Variants in PTPN23 observed in about 807,000 individuals in gnomAD.
PTPN23 encodes protein tyrosine phosphatase non-receptor type 23, also known as tyrosine-protein phosphatase non-receptor type 23.
PTPN23 carries 72 observed loss-of-function variants against 156.3 expected under a neutral mutation model. The ratio of observed to expected loss-of-function variants is 0.46; its 90% CI spans 0.38 to 0.56. The LOEUF (loss-of-function observed/expected upper bound fraction) is 0.56, where lower values mean the gene tolerates loss of function less well. PTPN23 is among the 20% of genes least tolerant of loss of function. The pLI, the probability that PTPN23 is intolerant of heterozygous loss-of-function variation, is 0.00. For synonymous variants in PTPN23, 957 were observed against 899.6 expected (o/e 1.06, Z -1.14); for missense variants, 1,974 against 2,171.5 (o/e 0.91, Z 1.81).
intron 2 of PTPN23, among the ~76,000 whole-genome samples, chr3:47,400,352 C>A (rs1052733552): frequency 2.0e-5 from 3 of 152,190 alleles, no homozygotes; most frequent in Non-Finnish European, 4.4e-5. Flanking sequence ...CTGACAGGTG[C>A]AGGGGATGCT....
chr3:47,393,445 G>GC (rs1453939960), intron 1 of PTPN23, among the ~76,000 whole-genome samples: 1 of 152,178 alleles, frequency 6.6e-6, no homozygotes, highest in African/African-American at 2.4e-5. Flanking sequence ...AAGCCACTGT[G>GC]CCCGGCTACC....
chr3:47,391,375 C>T (rs1704769670), intron 1 of PTPN23, among the ~76,000 whole-genome samples: 1 of 152,190 alleles, frequency 6.6e-6, no homozygotes, highest in Admixed American at 6.5e-5. Flanking sequence ...TTATTAGCAC[C>T]GTGACCTTGG....
At position 47,406,632 on chromosome 3, in the gene PTPN23, G is replaced by A; in HGVS notation, c.759+20G>A. The A allele has an allele frequency of 1.2e-6, 2 of 1,613,824 alleles. No individual in the cohort carries two copies. Among genetic ancestry groups the A allele is most frequent in the Non-Finnish European group, 8.5e-7 (1 of 1,179,940 alleles). Reference sequence around the variant, plus strand: ...GCTCATGTGAGGGCCTGGGGCCCCAGGGCGGGGCAGGGCGGGGCTGAGTGG... The same window carrying A: ...GCTCATGTGAGGGCCTGGGGCCCCAAGGCGGGGCAGGGCGGGGCTGAGTGG... On this transcript the variant is annotated intron_variant, in intron 8 of 24. Coordinates refer to ENST00000265562, the MANE Select transcript of PTPN23 (RefSeq NM_015466.4). This position sits in a 1 kb window ranked among gnomAD's most constrained non-coding sequence, Gnocchi z 5.8.
chr3:47,412,905 C>T lies in PTPN23; in HGVS notation c.4631C>T (p.Ser1544Phe), dbSNP rs1705359063. ...LPESTPIPSS[S>F]PPPLSSPLPE... ...GAGTCTACCCCAATCCCATCTTCCT[C>T]CCCGCCCCCCCTTTCCTCCCCACTA... The change falls in exon 25 of 25, where the codon TCC becomes TTC. Residue 1544 changes from serine to phenylalanine, a missense_variant. Physicochemically the swap from Ser to Phe is radical, Grantham distance 155 (BLOSUM62 -2). This residue lies in a region of PTPN23 where 484 missense variants were observed against 516.0 expected (regional missense o/e 0.94). Transcript: ENST00000265562. 6.6e-7 allele frequency: 1 copy of T among 1,514,694 alleles called. No homozygotes were observed. Among genetic ancestry groups the T allele is most frequent in the Non-Finnish European group, 9.1e-7 (1 of 1,093,750 alleles). The allele number at this position is 1,514,694 out of a possible 1,614,324, so 93.8% of individuals were successfully genotyped here. A position where few individuals can be genotyped will look rare whatever the true frequency, so the allele number is the denominator to read the frequency against.
chr3:47,411,815 G>A lies in PTPN23; in HGVS notation c.3921G>A (p.Arg1307=). ...QKVARYFPTE[R]GQPMVHGALS... is the part of the protein sequence containing the mutation. The stretch of plus-strand genomic sequence containing the variant: ...TGGCACGCTACTTCCCCACCGAGAG[G>A]GGCCAGCCCATGGTGCACGGTGCCC... Residue 1307 remains arginine (R), a synonymous_variant, in exon 21 of 25, where the codon AGG becomes AGA. Transcript: ENST00000265562. This position sits in a 1 kb window ranked among gnomAD's most constrained non-coding sequence, Gnocchi z 6.3. 2 of 1,610,822 alleles carry A rather than the reference G, an allele frequency of 1.2e-6. No homozygotes were observed. The highest frequency in any genetic ancestry group is 1.7e-6 in the Non-Finnish European group (2 of 1,178,512).
At chr3:47,383,895 C>T (rs1314336884) in intron 1 of PTPN23, among the ~76,000 whole-genome samples, 3 of 152,290 alleles carry the variant, frequency 2.0e-5, no homozygotes, top group African/African-American at 2.4e-5. Context: ...TCCCAACCTG[C>T]ACCCCCTTCC....
At position 47,409,041 on chromosome 3, in the gene PTPN23, G is replaced by A. The variant is rs376920479; in HGVS notation, c.1596G>A (p.Pro532=). 1.1e-5 allele frequency: 18 copies of A among 1,613,680 alleles called. No homozygotes were observed. The highest frequency in any genetic ancestry group is 2.2e-5 in the East Asian group (1 of 44,902). ...HVGNLRLLSG[P]LDQVRAALPT... is the part of the protein sequence containing the mutation. ...GCAACCTGCGCCTGCTCAGCGGGCC[G>A]CTTGACCAGGTCCGGGCTGCCCTGC... Residue 532 remains proline, a synonymous_variant, in exon 16 of 25, where the codon CCG becomes CCA. Coordinates refer to ENST00000265562, the MANE Select transcript of PTPN23 (RefSeq NM_015466.4).
At chr3:47,409,883 GGGT>G (rs1040148903) in intron 19 of PTPN23, 42 bp from the exon 20 acceptor site, 4 of 1,585,680 alleles carry the variant, frequency 2.5e-6, no homozygotes, top group Non-Finnish European at 3.4e-6. Flanking sequence ...AGACAGGCTG[GGGT>G]GATGGGAGCC....
At chr3:47,399,523 G>GCACA (rs896737456) in intron 2 of PTPN23, among the ~76,000 whole-genome samples, 10 of 152,090 alleles carry the variant, frequency 6.6e-5, no homozygotes, top group African/African-American at 2.2e-4. Context: ...CCGTCATTTT[G>GCACA]CACACACAGG....
At chr3:47,402,966 A>G (rs976731221) in intron 2 of PTPN23, among the ~76,000 whole-genome samples, 5 of 152,124 alleles carry the variant, frequency 3.3e-5, no homozygotes, top group African/African-American at 1.2e-4. Flanking sequence ...TTGGCCTCCC[A>G]AAGTGCTAGG....
chr3:47,412,471 A>G, intron 23 of PTPN23, 43 bp from the exon 24 acceptor site: 3 of 1,611,428 alleles, frequency 1.9e-6, no homozygotes, highest in Non-Finnish European at 2.5e-6. Context: ...TCCCAGGGTG[A>G]CGGGCCCCTG....
intron 2 of PTPN23, among the ~76,000 whole-genome samples, chr3:47,398,060 C>T (rs1166612011): frequency 6.6e-6 from 1 of 151,576 alleles, no homozygotes; most frequent in African/African-American, 2.4e-5. Flanking sequence ...CTTTGGGAGG[C>T]TGAGGCAGGT....
At position 47,410,623 on chromosome 3, in the gene PTPN23, TC is replaced by T; in HGVS notation, c.2829del (p.Ala944GlnfsTer216). The T allele has an allele frequency of 6.2e-7, 1 of 1,611,162 alleles. No homozygotes were observed. ...GCACAGCACCACTTCTCTTCTGGGA[TC>T]CCCGCAGGTTTTCCAGCCCCAAGGA... ...IPAQHHFSSG[I>X]PAGFPAPRIG... On this transcript the variant is annotated frameshift_variant, in exon 20 of 25. Coordinates refer to ENST00000265562, the MANE Select transcript of PTPN23 (RefSeq NM_015466.4). LOFTEE classifies it high-confidence loss of function.
rs1032653734 is a variant in PTPN23, at chr3:47,412,996, C to G, written c.4722C>G (p.Ser1574=). ...VPEAPSSGPP[S]SSLELLASLT... Reference sequence around the variant, plus strand: ...AAGCCCCCAGCTCGGGGCCCCCCTCCTCCTCCCTGGAATTGCTGGCCTCCT... The same window carrying G: ...AAGCCCCCAGCTCGGGGCCCCCCTCGTCCTCCCTGGAATTGCTGGCCTCCT... The change falls in exon 25 of 25, where the codon TCC becomes TCG. Residue 1574 remains serine (S), a synonymous_variant. Coordinates refer to ENST00000265562, the MANE Select transcript of PTPN23 (RefSeq NM_015466.4). 5 of 1,612,374 alleles carry G rather than the reference C, an allele frequency of 3.1e-6. No homozygotes were observed. Among genetic ancestry groups the G allele is most frequent in the Non-Finnish European group, 3.4e-6 (4 of 1,179,588 alleles).
At chr3:47,408,230 T>C in intron 14 of PTPN23, 115 bp from the exon 15 acceptor site, 1 of 1,435,694 alleles carries the variant, frequency 7.0e-7, no homozygotes, top group Non-Finnish European at 9.5e-7. Flanking sequence ...GAGGTCACAA[T>C]TTGCTCTCTG....
chr3:47,381,679 C>T (rs547076993), intron 1 of PTPN23, among the ~76,000 whole-genome samples: 28 of 152,228 alleles, frequency 1.8e-4, no homozygotes, highest in Non-Finnish European at 3.4e-4. Flanking sequence ...GGGAGATGCC[C>T]GACCCCTGCG....
rs753779840 is a variant in PTPN23, at chr3:47,410,645, A to G, written c.2847A>G (p.Pro949=). 17 of 1,610,200 alleles carry G rather than the reference A, an allele frequency of 1.1e-5. No individual in the cohort carries two copies. Among genetic ancestry groups the G allele is most frequent in the Non-Finnish European group, 1.4e-5 (17 of 1,178,976 alleles). The change falls in exon 20 of 25, where the codon CCA becomes CCG. Residue 949 remains proline, a synonymous_variant. Coordinates refer to ENST00000265562, the MANE Select transcript of PTPN23 (RefSeq NM_015466.4). ...GGATCCCCGCAGGTTTTCCAGCCCCAAGGATTGGGCCCCAGCCCCAGCCCC... is the reference window on the plus strand; with the variant it reads ...GGATCCCCGCAGGTTTTCCAGCCCCGAGGATTGGGCCCCAGCCCCAGCCCC... ...SSGIPAGFPA[P]RIGPQPQPHP... is the part of the protein sequence containing the mutation.
Position 47,405,994 on chromosome 3 carries a change from A to T in PTPN23, c.494A>T (p.Tyr165Phe). 3 of 1,613,772 alleles carry T rather than the reference A, an allele frequency of 1.9e-6. No homozygotes were observed. The highest frequency in any genetic ancestry group is 2.5e-6 in the Non-Finnish European group (3 of 1,179,948). Residue 165 changes from tyrosine to phenylalanine, a missense_variant, in exon 6 of 25, where the codon TAC (tyrosine) becomes TTC (phenylalanine). This residue lies in a region of PTPN23 where 726 missense variants were observed against 929.5 expected (regional missense o/e 0.78). Coordinates refer to ENST00000265562, the MANE Select transcript of PTPN23 (RefSeq NM_015466.4). The surrounding 1 kb of genome is among the most constrained non-coding windows in gnomAD (Gnocchi z 4.7). The part of the protein sequence containing the change: ...AYLREHFPQA[Y>F]SVDMSRQILT... ...CTACGGGAGCACTTCCCTCAAGCCTACAGCGTCGACATGAGCCGCCAGATC... is the reference window on the plus strand; with the variant it reads ...CTACGGGAGCACTTCCCTCAAGCCTTCAGCGTCGACATGAGCCGCCAGATC...
chr3:47,407,935 G>T lies in PTPN23; in HGVS notation c.1164G>T (p.Glu388Asp). 1.2e-6 allele frequency: 2 copies of T among 1,614,024 alleles called. No individual in the cohort carries two copies. Among genetic ancestry groups the T allele is most frequent in the Non-Finnish European group, 1.7e-6 (2 of 1,179,988 alleles). The change falls in exon 14 of 25, where the codon GAG becomes GAT. Residue 388 changes from glutamate to aspartate, a missense_variant. Around this residue, in one of 4 missense-constraint regions of PTPN23, gnomAD observed 726 missense variants for 929.5 expected, o/e 0.78. Coordinates refer to ENST00000265562, the MANE Select transcript of PTPN23 (RefSeq NM_015466.4). The surrounding 1 kb of genome is among the most constrained non-coding windows in gnomAD (Gnocchi z 4.0). ...TCCGGGAGATGATGGCCAAGATTGAGGACAAGAATGAGGTCCTGGAGTGAG... is the reference window on the plus strand; with the variant it reads ...TCCGGGAGATGATGGCCAAGATTGATGACAAGAATGAGGTCCTGGAGTGAG... ...KLLREMMAKIEDKNEVLDQFM... is the reference protein window; with the variant it reads ...KLLREMMAKIDDKNEVLDQFM...
Sources: gnomAD v4.1 joint callset for allele counts (sites outside exome capture counted in the v4.1 genomes callset) on GRCh38, gnomAD v4.1.1 for gene constraint, gnomAD v4.1.1 regional missense constraint, Gnocchi (gnomAD v3.1) non-coding constraint, MANE v1.5 for transcripts, NCBI Gene and HGNC (gene_info 2026-07-23, HGNC 2026-07-21) for gene names.